RBFOX1: variants seen among roughly 807,000 people sequenced by gnomAD.
RBFOX1 encodes RNA binding fox-1 homolog 1.
Under a neutral mutation model 57.7 loss-of-function variants are expected in RBFOX1, and 8 were observed. The observed-to-expected ratio is 0.14, with a 90% CI of 0.08 to 0.25. The LOEUF (loss-of-function observed/expected upper bound fraction) is 0.25, where lower values mean the gene tolerates loss of function less well. Among genes scored for constraint, RBFOX1 ranks in the 10% least tolerant of loss-of-function variants. RBFOX1 has a pLI of 1.00. For missense variants in RBFOX1, 611 were observed against 548.5 expected, an observed-to-expected ratio of 1.11 and a Z score of -1.14; for synonymous variants, 326 against 222.4, an observed-to-expected ratio of 1.47 and a Z score of -4.15.
chr16:5,601,624 C>T (rs1175939440), downstream of RBFOX1: 2 of 152,192 alleles, frequency 1.3e-5, no homozygotes, highest in Admixed American at 6.5e-5. Context: ...ATAACTATGT[C>T]TTGCAGTTCC....
intron 2 of RBFOX1, among the ~76,000 whole-genome samples, chr16:5,485,587 T>G (rs1359641096): frequency 6.6e-6 from 1 of 152,188 alleles, no homozygotes; most frequent in Non-Finnish European, 1.5e-5. Flanking sequence ...TATTCCGCAT[T>G]ATACCTCAAA....
intron 4 of RBFOX1, among the ~76,000 whole-genome samples, chr16:7,120,411 G>T (rs1158528839): frequency 6.6e-6 from 1 of 151,968 alleles, no homozygotes; most frequent in Non-Finnish European, 1.5e-5. Context: ...GCATAGAAGT[G>T]ATGAATCTAT....
Position 6,807,463 on chromosome 16 carries a change from C to G in RBFOX1, c.-16+152813C>G, listed in dbSNP as rs113019548. On this transcript the variant is annotated intron_variant, in intron 3 of 15. Coordinates refer to ENST00000550418, the MANE Select transcript of RBFOX1 (RefSeq NM_018723.4). Reference sequence around the variant, plus strand: ...GCTGGAGGAATGTTGGAGTAGCACACAGGGCTGGGGTCCTGAGTTCTGCAC... The same window carrying G: ...GCTGGAGGAATGTTGGAGTAGCACAGAGGGCTGGGGTCCTGAGTTCTGCAC... Among the ~76,000 whole-genome samples the G allele has an allele frequency of 8.3e-4, 127 of 152,218 alleles. 1 individual carries two copies. Among genetic ancestry groups the G allele is most frequent in the African/African-American group, 3.0e-3 (123 of 41,530 alleles).
At chr16:7,366,882 T>C (rs970239046) in intron 4 of RBFOX1, among the ~76,000 whole-genome samples, 5 of 152,210 alleles carry the variant, frequency 3.3e-5, no homozygotes, top group Non-Finnish European at 7.3e-5. Context: ...ATAGAGCTTT[T>C]GGGATGTCCT....
At chr16:7,396,937 AAAAAGAAAAAT>A (rs1458300606) in intron 4 of RBFOX1, among the ~76,000 whole-genome samples, 4 of 152,148 alleles carry the variant, frequency 2.6e-5, no homozygotes, top group Non-Finnish European at 2.9e-5. Flanking sequence ...TGAGACTGTC[AAAAAGAAAAAT>A]AAAAGAAAAA....
At chr16:6,419,702 A>G (rs563590621) in intron 2 of RBFOX1, among the ~76,000 whole-genome samples, 1 of 152,262 alleles carries the variant, frequency 6.6e-6, no homozygotes, top group African/African-American at 2.4e-5. Flanking sequence ...CCCGTTCTTC[A>G]TAGACTATAT....
chr16:7,216,772 A>G (rs2092122262), intron 4 of RBFOX1, among the ~76,000 whole-genome samples: 1 of 152,190 alleles, frequency 6.6e-6, no homozygotes, highest in South Asian at 2.1e-4. Flanking sequence ...TCCTCTTTTC[A>G]TTACAGAAAA....
chr16:6,786,579 T>A (rs532327104), intron 3 of RBFOX1, among the ~76,000 whole-genome samples: 4 of 152,122 alleles, frequency 2.6e-5, no homozygotes, highest in African/African-American at 9.6e-5. Flanking sequence ...CTCCAAAAAT[T>A]AATAATAAGG....
At chr16:6,895,216 C>G (rs758524602) in intron 3 of RBFOX1, among the ~76,000 whole-genome samples, 2 of 151,606 alleles carry the variant, frequency 1.3e-5, no homozygotes, top group South Asian at 2.1e-4. Context: ...AGAACAAGTC[C>G]AAACCTCAGA....
At chr16:6,324,466 A>G (rs991398135) in intron 2 of RBFOX1, among the ~76,000 whole-genome samples, 2 of 152,184 alleles carry the variant, frequency 1.3e-5, no homozygotes, top group Non-Finnish European at 2.9e-5. Flanking sequence ...GGAAACTTAC[A>G]GTTATGGCAG....
intron 3 of RBFOX1, among the ~76,000 whole-genome samples, chr16:6,740,928 A>C (rs906151299): frequency 6.6e-6 from 1 of 152,328 alleles, no homozygotes; most frequent in Non-Finnish European, 1.5e-5. Flanking sequence ...ATTTTGAAAA[A>C]TAAGAATCAG....
At chr16:7,708,938 T>C (rs1403924343) in intron 14 of RBFOX1, 118 bp from the exon 15 acceptor site, 3 of 857,022 alleles carry the variant, frequency 3.5e-6, no homozygotes, top group East Asian at 2.5e-5. Context: ...TAGAATTTGC[T>C]TCTCACTGGA....
chr16:6,899,047 T>C (rs2067754491), intron 3 of RBFOX1, among the ~76,000 whole-genome samples: 1 of 151,690 alleles, frequency 6.6e-6, no homozygotes, highest in Non-Finnish European at 1.5e-5. Flanking sequence ...TGTGTATGCA[T>C]GTGTATGTAT....
In RBFOX1 at chr16:5,746,796, T is replaced by A. The variant is rs538121758; in HGVS notation, c.319-120507T>A. 1.2e-4 allele frequency among the ~76,000 whole-genome samples: 19 copies of A among 152,344 alleles called. No individual in the cohort carries two copies. In the South Asian group the frequency reaches 3.9e-3, roughly 32 times the overall value. ...ATTTTTGCACATTGATTTTGTATCC[T>A]GAGACTTTGCTGAAGTTACTCATCA... On this transcript the variant is annotated intron_variant, in intron 3 of 19. Coordinates refer to the RBFOX1 transcript ENST00000641259.
At chr16:6,219,120 A>G (rs2097355153) in intron 1 of RBFOX1, among the ~76,000 whole-genome samples, 1 of 152,206 alleles carries the variant, frequency 6.6e-6, no homozygotes, top group African/African-American at 2.4e-5. Flanking sequence ...CAAAGGTCAC[A>G]ATCTGTGGTT....
At chr16:5,956,858 A>C (rs2059654277) in intron 4 of RBFOX1, among the ~76,000 whole-genome samples, 1 of 144,568 alleles carries the variant, frequency 6.9e-6, no homozygotes, top group Non-Finnish European at 1.5e-5. Flanking sequence ...TTTTATAGAG[A>C]TGGGGTTTCG....
At chr16:6,445,324 G>T (rs2094462678) in intron 2 of RBFOX1, among the ~76,000 whole-genome samples, 1 of 152,042 alleles carries the variant, frequency 6.6e-6, no homozygotes. Context: ...GTGCCATGAA[G>T]ATTTTCTTTT....
rs144614006 is a variant in RBFOX1 at position 6,141,354 on chromosome 16, C to A, written c.-127+121362C>A. ...GAGAGGCTATTCCTTTCTTTCAGAT[C>A]TCTGGGCATAACCCTGACTGCTCTC... On this transcript the variant is annotated intron_variant, in intron 1 of 15. Coordinates refer to ENST00000550418, the MANE Select transcript of RBFOX1 (RefSeq NM_018723.4). 3.9e-3 allele frequency among the ~76,000 whole-genome samples: 590 copies of A among 152,286 alleles called. 4 individuals are homozygous for A. The highest frequency in any genetic ancestry group is 0.023 in the East Asian group (117 of 5,174).
intron 4 of RBFOX1, among the ~76,000 whole-genome samples, chr16:7,282,034 T>C (rs764029853): frequency 2.0e-5 from 3 of 151,876 alleles, no homozygotes; most frequent in South Asian, 4.2e-4. Flanking sequence ...CCTGGCAATT[T>C]TTTTTTGTAT....
Sources: allele counts gnomAD v4.1 joint callset (sites outside exome capture counted in the v4.1 genomes callset), GRCh38; gene constraint gnomAD v4.1.1; transcripts MANE v1.5; gene names NCBI Gene and HGNC (gene_info 2026-07-23, HGNC 2026-07-21).